The following ROCK1 variants were observed in gnomAD, a reference collection of about 807,000 sequenced individuals.
The protein encoded by ROCK1 is Rho associated coiled-coil containing protein kinase 1, also known as rho-associated protein kinase 1.
ROCK1 carries 36 observed loss-of-function variants against 196.8 expected under a neutral mutation model. The observed-to-expected ratio is 0.18, with a 90% confidence interval of 0.14 to 0.24. The LOEUF is 0.24. Ranked by LOEUF, ROCK1 falls within the 10% of genes least tolerant of loss-of-function variation. The probability of loss-of-function intolerance (pLI) is 1.00; values close to 1 mark genes in which losing one functional copy is unlikely to be tolerated. For missense variants in ROCK1, 920 were observed against 1,562.0 expected (o/e 0.59, Z 6.93); for synonymous variants, 443 against 515.9 (o/e 0.86, Z 1.91).
chr18:21,041,805 TA>T (rs1457449775), intron 8 of ROCK1, among the ~76,000 whole-genome samples: 2 of 152,064 alleles, frequency 1.3e-5, no homozygotes, highest in African/African-American at 4.8e-5. Flanking sequence ...TTAGATTCAG[TA>T]AAATACACAG....
chr18:21,045,269 A>G (rs762397266), intron 5 of ROCK1, 23 bp downstream of exon 5: 3 of 1,552,204 alleles, frequency 1.9e-6, no homozygotes, highest in Admixed American at 4.1e-5. Context: ...AAATGAGAAA[A>G]TTTAAAGCAC....
intron 11 of ROCK1, among the ~76,000 whole-genome samples, chr18:21,023,016 C>T (rs115795466): frequency 0.52 from 77,976 of 151,334 alleles, 21,319 homozygotes; most frequent in African/African-American, 0.71. Context: ...ATGATTCCAC[C>T]TCATATGAGG....
chr18:21,046,859 TG>T (rs1381882939), intron 4 of ROCK1, among the ~76,000 whole-genome samples: 2 of 152,324 alleles, frequency 1.3e-5, no homozygotes, highest in African/African-American at 4.8e-5. Context: ...TTTGATTTTT[TG>T]TTTTTTTGTA....
intron 9 of ROCK1, among the ~76,000 whole-genome samples, chr18:21,037,356 C>T (rs1256240886): frequency 2.0e-5 from 3 of 151,680 alleles, no homozygotes; most frequent in Non-Finnish European, 2.9e-5. Flanking sequence ...GGTAAAAATA[C>T]CAAAAAAAAC....
chr18:21,000,690 T>A (rs2035716304), intron 16 of ROCK1, among the ~76,000 whole-genome samples: 1 of 151,814 alleles, frequency 6.6e-6, no homozygotes, highest in Non-Finnish European at 1.5e-5. Context: ...ACAATGAAAA[T>A]CAAAACAAAC....
At chr18:21,026,069 A>C (rs1414916560) in intron 10 of ROCK1, among the ~76,000 whole-genome samples, 1 of 152,218 alleles carries the variant, frequency 6.6e-6, no homozygotes, top group Non-Finnish European at 1.5e-5. Flanking sequence ...GAAAATACAA[A>C]AACATTGGCG....
At chr18:21,048,400 C>T (rs1448808312) in intron 4 of ROCK1, among the ~76,000 whole-genome samples, 1 of 152,000 alleles carries the variant, frequency 6.6e-6, no homozygotes, top group East Asian at 1.9e-4. Context: ...ATGAGAGCCT[C>T]ATGTTTGGGG....
intron 16 of ROCK1, among the ~76,000 whole-genome samples, chr18:21,002,094 T>C (rs1319788602): frequency 6.6e-6 from 1 of 152,134 alleles, no homozygotes; most frequent in Non-Finnish European, 1.5e-5. Context: ...AAATTATTAA[T>C]TACAAAAAAA....
At chr18:21,067,835 T>C (rs1293067077) in intron 2 of ROCK1, among the ~76,000 whole-genome samples, 1 of 152,248 alleles carries the variant, frequency 6.6e-6, no homozygotes, top group Non-Finnish European at 1.5e-5. Flanking sequence ...TTTCAACCTA[T>C]GTTTTCTCCT....
chr18:21,066,307 A>T (rs545625211), intron 2 of ROCK1, among the ~76,000 whole-genome samples: 1 of 152,244 alleles, frequency 6.6e-6, no homozygotes, highest in East Asian at 1.9e-4. Context: ...TCATGTCTTT[A>T]AATTTTATTA....
At position 21,063,528 on chromosome 18, in the gene ROCK1, C is replaced by T. The variant is rs182020999; in HGVS notation, c.175+7004G>A. On this transcript the variant is annotated intron_variant, in intron 2 of 32. Coordinates refer to ENST00000399799, the MANE Select transcript of ROCK1 (RefSeq NM_005406.3). The stretch of plus-strand genomic sequence containing the variant: ...GTACTTTCCAGGAAATAAATGTCAG[C>T]GTGTAGCTGATGTGTAAGGAAACAA... Among the ~76,000 whole-genome samples the T allele has an allele frequency of 2.1e-4, 32 of 152,144 alleles. 1 individual carries two copies. The highest frequency in any genetic ancestry group is 1.2e-3 in the Admixed American group (19 of 15,282).
At chr18:21,039,269 G>A (rs1050766681) in intron 9 of ROCK1, among the ~76,000 whole-genome samples, 1 of 151,834 alleles carries the variant, frequency 6.6e-6, no homozygotes, top group African/African-American at 2.4e-5. Flanking sequence ...ATTTCATCTG[G>A]GTATCCTGCG....
At chr18:21,092,132 T>C (rs977172525) in intron 1 of ROCK1, among the ~76,000 whole-genome samples, 17 of 152,180 alleles carry the variant, frequency 1.1e-4, no homozygotes, top group African/African-American at 4.1e-4. Context: ...CACATTAAAA[T>C]AATGTCTTCA....
Position 20,967,073 on chromosome 18 carries a change from A to C in ROCK1, c.3196T>G (p.Leu1066Val), listed in dbSNP as rs141778124. The change falls in exon 27 of 33, where the codon TTG becomes GTG. Residue 1066 changes from leucine (L) to valine (V), a missense_variant. Around this residue, in one of 6 missense-constraint regions of ROCK1, gnomAD observed 116 missense variants for 204.2 expected, o/e 0.57. Coordinates refer to ENST00000399799, the MANE Select transcript of ROCK1 (RefSeq NM_005406.3). Reference protein sequence around the residue: ...QKELNDMQAQLVEECAHRNEL... With the variant: ...QKELNDMQAQVVEECAHRNEL... The stretch of plus-strand genomic sequence containing the variant: ...TTCCTATGTGCACATTCTTCTACCA[A>C]TTGCTAATTTTGAAAAGTATCAAGA... 2.8e-5 allele frequency: 45 copies of C among 1,601,250 alleles called. No homozygotes were observed. Among genetic ancestry groups the C allele is most frequent in the Non-Finnish European group, 3.5e-5 (41 of 1,172,454 alleles).
rs1435302027 is a variant in ROCK1 at position 20,968,695 on chromosome 18, G to C, written c.3003+77C>G. ...GAAAAGCTTGAACCTTATAAGCCTT[G>C]GTTTTAGGAAAAAGTGCATAAAGAG... On this transcript the variant is annotated intron_variant, in intron 25 of 32. Transcript: ENST00000399799. The C allele has an allele frequency of 4.0e-5, 34 of 841,302 alleles. No individual in the cohort carries two copies. In the Admixed American group the frequency reaches 4.1e-4, roughly 10 times the overall value. 52.1% of individuals were successfully genotyped at this position (841,302 alleles called of 1,614,324 possible). A position where few individuals can be genotyped will look rare whatever the true frequency, so the allele number is the denominator to read the frequency against.
At chr18:21,099,417 T>C (rs1227627641) in intron 1 of ROCK1, among the ~76,000 whole-genome samples, 1 of 152,062 alleles carries the variant, frequency 6.6e-6, no homozygotes, top group Non-Finnish European at 1.5e-5. Flanking sequence ...GTAAGAATAT[T>C]CTGAATATAT....
At chr18:21,088,061 T>C (rs1023837623) in intron 1 of ROCK1, among the ~76,000 whole-genome samples, 6 of 152,160 alleles carry the variant, frequency 3.9e-5, no homozygotes, top group African/African-American at 1.2e-4. Context: ...TTCTAAATAA[T>C]TTCTGGGTCA....
intron 18 of ROCK1, among the ~76,000 whole-genome samples, chr18:20,987,891 C>T (rs2035590703): frequency 6.6e-6 from 1 of 152,202 alleles, no homozygotes; most frequent in African/African-American, 2.4e-5. Flanking sequence ...AATCCATCCA[C>T]TATGTTCTTC....
chr18:21,067,779 T>G (rs545654363), intron 2 of ROCK1, among the ~76,000 whole-genome samples: 1 of 152,212 alleles, frequency 6.6e-6, no homozygotes, highest in African/African-American at 2.4e-5. Context: ...CTTGTGCTTT[T>G]GGTATTACGT....
Sources: allele counts gnomAD v4.1 joint callset (sites outside exome capture counted in the v4.1 genomes callset), GRCh38; gene constraint gnomAD v4.1.1; regional missense constraint gnomAD v4.1.1; transcripts MANE v1.5; gene names NCBI Gene and HGNC (gene_info 2026-07-23, HGNC 2026-07-21).